DLG2: variants seen among roughly 807,000 people sequenced by gnomAD.
The protein encoded by DLG2 is discs large MAGUK scaffold protein 2.
Under a neutral mutation model 132.5 loss-of-function variants are expected in DLG2, and 45 were observed. The ratio of observed to expected loss-of-function variants is 0.34; its 90% confidence interval spans 0.27 to 0.44. DLG2 has a LOEUF of 0.44. Among genes scored for constraint, DLG2 ranks in the 20% least tolerant of loss-of-function variants. The pLI is 1.00. For synonymous variants in DLG2, 424 were observed against 419.6 expected (o/e 1.01, Z -0.13); for missense variants, 1,045 against 1,196.9 (o/e 0.87, Z 1.87).
chr11:83,711,827 C>G (rs1311415369), intron 18 of DLG2, among the ~76,000 whole-genome samples: 1 of 130,962 alleles, frequency 7.6e-6, no homozygotes, highest in African/African-American at 3.5e-5. Flanking sequence ...TTGCTATAAT[C>G]ATTTTAGACT....
chr11:84,260,684 T>C (rs988571335), intron 7 of DLG2, among the ~76,000 whole-genome samples: 1 of 152,202 alleles, frequency 6.6e-6, no homozygotes, highest in East Asian at 1.9e-4. Flanking sequence ...AACTTTCTCT[T>C]GTCTATAGAG....
intron 9 of DLG2, among the ~76,000 whole-genome samples, chr11:84,152,952 C>G (rs1487350153): frequency 1.2e-4 from 18 of 152,292 alleles, no homozygotes; most frequent in East Asian, 7.7e-4. Context: ...CTGTGCTATG[C>G]ACTTAAGTGT....
intron 6 of DLG2, among the ~76,000 whole-genome samples, chr11:84,797,626 C>T (rs1053761385): frequency 1.3e-5 from 2 of 152,106 alleles, no homozygotes; most frequent in African/African-American, 2.4e-5. Context: ...TGAATTCCTT[C>T]TCCGTATTTT....
chr11:85,522,414 G>A (rs1199823199), intron 3 of DLG2, among the ~76,000 whole-genome samples: 5 of 152,220 alleles, frequency 3.3e-5, no homozygotes, highest in African/African-American at 7.2e-5. Context: ...GTGCGGAAGG[G>A]AAATGTGGGG....
intron 13 of DLG2, 136 bp downstream of exon 13, chr11:83,965,188 T>G: frequency 1.0e-6 from 1 of 956,290 alleles, no homozygotes; most frequent in Non-Finnish European, 1.5e-6. Flanking sequence ...AGGAGTGGAG[T>G]TTAGGATACT....
In DLG2 at chr11:83,921,530, G is replaced by A. The variant is rs548542201; in HGVS notation, c.1496+8798C>T. 7.9e-5 allele frequency among the ~76,000 whole-genome samples: 12 copies of A among 152,224 alleles called. No individual in the cohort carries two copies. The East Asian group carries it at 2.3e-3, about 29-fold the overall frequency. On this transcript the variant is annotated intron_variant, in intron 15 of 27. Coordinates refer to ENST00000376104, the MANE Select transcript of DLG2 (RefSeq NM_001142699.3). ...TATAAAACTTCTGGAATAGCGCATA[G>A]CACCTAAGGGCACCCAATACACATC...
Position 84,503,576 on chromosome 11 carries a change from G to A in DLG2, c.519+30994C>T, listed in dbSNP as rs544062769. Among the ~76,000 whole-genome samples the A allele has an allele frequency of 9.2e-5, 14 of 152,246 alleles. No homozygotes were observed. In the South Asian group the frequency reaches 2.7e-3, roughly 29 times the overall value. On this transcript the variant is annotated intron_variant, in intron 7 of 27. Transcript: ENST00000376104. ...GCCACAGACATTTTCATAGGAACAGGTGAGTTGAGAGACCTCTGTGGCCAA... is the reference window on the plus strand; with the variant it reads ...GCCACAGACATTTTCATAGGAACAGATGAGTTGAGAGACCTCTGTGGCCAA...
intron 19 of DLG2, among the ~76,000 whole-genome samples, chr11:83,568,175 T>C (rs1295183497): frequency 6.6e-6 from 1 of 152,050 alleles, no homozygotes; most frequent in Non-Finnish European, 1.5e-5. Flanking sequence ...CGAGCTAAGG[T>C]AGTAGCCATG....
intron 4 of DLG2, among the ~76,000 whole-genome samples, chr11:85,185,633 G>A (rs1434758649): frequency 6.6e-6 from 1 of 151,426 alleles, no homozygotes; most frequent in African/African-American, 2.4e-5. Flanking sequence ...TATCTGCTTG[G>A]CTGATTCTTA....
intron 27 of DLG2, among the ~76,000 whole-genome samples, chr11:83,460,453 C>G (rs1379596056): frequency 6.6e-6 from 1 of 152,168 alleles, no homozygotes; most frequent in African/African-American, 2.4e-5. Flanking sequence ...CATTAATTCC[C>G]CAAATCTCTG....
chr11:84,503,374 G>A (rs1474625118), intron 7 of DLG2, among the ~76,000 whole-genome samples: 1 of 152,166 alleles, frequency 6.6e-6, no homozygotes, highest in Non-Finnish European at 1.5e-5. Flanking sequence ...TTTGGGGAAA[G>A]GTTGATGCAT....
chr11:84,711,362 G>C (rs1424996714), intron 6 of DLG2, among the ~76,000 whole-genome samples: 1 of 97,770 alleles, frequency 1.0e-5, no homozygotes, highest in African/African-American at 9.2e-5. Context: ...GAGAGAGAGA[G>C]AGAGAGAGAG....
chr11:85,076,605 C>A (rs568858597), intron 6 of DLG2, among the ~76,000 whole-genome samples: 1 of 152,032 alleles, frequency 6.6e-6, no homozygotes, highest in Non-Finnish European at 1.5e-5. Flanking sequence ...TCCTCACTGA[C>A]GCTCAGCACC....
intron 6 of DLG2, among the ~76,000 whole-genome samples, chr11:84,740,534 T>C (rs1337916506): frequency 6.6e-6 from 1 of 151,890 alleles, no homozygotes; most frequent in Admixed American, 6.6e-5. Context: ...TACAGTTCCA[T>C]ATAGAGAACA....
rs138179977 is a variant in DLG2, at chr11:84,846,836, C to T, written c.357+264825G>A. Among the ~76,000 whole-genome samples the T allele has an allele frequency of 3.1e-3, 466 of 152,170 alleles. 7 individuals carry two copies. Among genetic ancestry groups the T allele is most frequent in the East Asian group, 8.3e-3 (43 of 5,166 alleles). On this transcript the variant is annotated intron_variant, in intron 6 of 27. Transcript: ENST00000376104. The stretch of plus-strand genomic sequence containing the variant: ...ATGAGTGTCCATGTAAGAATTATGC[C>T]ACTATTTAAAAATATCCATGTATAA...
At chr11:84,634,229 G>A (rs1042931203) in intron 6 of DLG2, among the ~76,000 whole-genome samples, 2 of 152,066 alleles carry the variant, frequency 1.3e-5, no homozygotes, top group African/African-American at 4.8e-5. Flanking sequence ...TTCCTCTTAC[G>A]TGATCTTTGA....
chr11:85,057,189 T>A (rs1043974447), intron 6 of DLG2, among the ~76,000 whole-genome samples: 1 of 151,412 alleles, frequency 6.6e-6, no homozygotes, highest in African/African-American at 2.4e-5. Context: ...AAAGCCCGGA[T>A]ATAGTTGAAG....
At chr11:84,596,818 A>G (rs761373729) in intron 6 of DLG2, among the ~76,000 whole-genome samples, 33 of 152,176 alleles carry the variant, frequency 2.2e-4, no homozygotes, top group Non-Finnish European at 3.8e-4. Context: ...TGTACGAAAT[A>G]TATCACTTTC....
At chr11:85,172,752 C>A (rs2078964325) in intron 4 of DLG2, among the ~76,000 whole-genome samples, 1 of 152,038 alleles carries the variant, frequency 6.6e-6, no homozygotes, top group Non-Finnish European at 1.5e-5. Flanking sequence ...ACCTGATAAC[C>A]AGAACAGCTA....
Sources: allele counts gnomAD v4.1 joint callset (sites outside exome capture counted in the v4.1 genomes callset), GRCh38; gene constraint gnomAD v4.1.1; transcripts MANE v1.5; gene names NCBI Gene and HGNC (gene_info 2026-07-23, HGNC 2026-07-21).